Variants in RELN observed in about 807,000 individuals in gnomAD.
RELN encodes reelin.
In RELN, 108 loss-of-function variants were observed where a neutral mutation model predicts 427.6. The ratio of observed to expected loss-of-function variants is 0.25; its 90% CI spans 0.22 to 0.30. RELN has a LOEUF of 0.30. Ranked by LOEUF, RELN falls within the 10% of genes least tolerant of loss-of-function variation. The pLI is 1.00. For missense variants in RELN, 3,715 were observed against 4,302.8 expected, an observed-to-expected ratio of 0.86 and a Z score of 3.82; for synonymous variants, 1,524 against 1,513.4, an observed-to-expected ratio of 1.01 and a Z score of -0.16.
At chr7:103,581,779 T>G (rs1480788973) in intron 28 of RELN, among the ~76,000 whole-genome samples, 1 of 152,080 alleles carries the variant, frequency 6.6e-6, no homozygotes, top group Non-Finnish European at 1.5e-5. Context: ...TTTCCTCTCT[T>G]GGAATGCTGG....
intron 1 of RELN, among the ~76,000 whole-genome samples, chr7:103,963,144 T>TC (rs1554449249): frequency 9.3e-5 from 14 of 151,072 alleles, no homozygotes; most frequent in Non-Finnish European, 1.6e-4. Flanking sequence ...CTTTTTTTTT[T>TC]CTCATTGGCG....
At chr7:103,484,349 A>G (rs1586469957) in intron 61 of RELN, 1 of 180,800 alleles carries the variant, frequency 5.5e-6, no homozygotes, top group African/African-American at 2.4e-5. Context: ...AGCTACTTGT[A>G]TACCCTTGAC....
chr7:103,773,325 C>G (rs1263694475), intron 4 of RELN, among the ~76,000 whole-genome samples: 1 of 81,768 alleles, frequency 1.2e-5, no homozygotes, highest in Non-Finnish European at 2.4e-5. Context: ...CCCTCCGTCT[C>G]TCTCTCTCCC....
chr7:103,966,089 T>C (rs1369950177), intron 1 of RELN, among the ~76,000 whole-genome samples: 2 of 152,220 alleles, frequency 1.3e-5, no homozygotes, highest in Admixed American at 6.5e-5. Flanking sequence ...CAAGTTCCTA[T>C]GGCATATTTC....
At chr7:103,705,485 T>C (rs145069251) in intron 8 of RELN, among the ~76,000 whole-genome samples, 119 of 152,368 alleles carry the variant, frequency 7.8e-4, no homozygotes, top group Middle Eastern at 3.4e-3. Flanking sequence ...TATCTTATAA[T>C]TTATCACCTA....
chr7:103,854,922 G>A (rs1002099920), intron 2 of RELN, among the ~76,000 whole-genome samples: 1 of 152,172 alleles, frequency 6.6e-6, no homozygotes, highest in Non-Finnish European at 1.5e-5. Context: ...GAACACTATT[G>A]TAAGTTTCAT....
intron 3 of RELN, among the ~76,000 whole-genome samples, chr7:103,823,862 G>A (rs2116379082): frequency 6.9e-6 from 1 of 144,752 alleles, no homozygotes; most frequent in South Asian, 2.2e-4. Context: ...GCCATGTGCG[G>A]TAAAAATACC....
intron 3 of RELN, among the ~76,000 whole-genome samples, chr7:103,786,407 T>G (rs1295558243): frequency 1.3e-5 from 2 of 151,228 alleles, no homozygotes; most frequent in Non-Finnish European, 3.0e-5. Flanking sequence ...AACAAGATTT[T>G]TAAAGGCCAA....
intron 17 of RELN, 130 bp from the exon 18 acceptor site, chr7:103,636,598 G>A (rs362697): frequency 1.4e-6 from 1 of 717,864 alleles, no homozygotes; most frequent in Non-Finnish European, 2.5e-6. Flanking sequence ...ATTAGTCTTT[G>A]GAGACTACTG....
intron 31 of RELN, 65 bp downstream of exon 31, chr7:103,572,119 T>C (rs1830895380): frequency 1.1e-6 from 1 of 922,338 alleles, no homozygotes; most frequent in Non-Finnish European, 1.8e-6. Flanking sequence ...TGGCCAAACT[T>C]TGGGAGGATA....
At chr7:103,771,905 T>C (rs1202678629) in intron 4 of RELN, among the ~76,000 whole-genome samples, 1 of 152,206 alleles carries the variant, frequency 6.6e-6, no homozygotes, top group Non-Finnish European at 1.5e-5. Context: ...GCCTTTAATC[T>C]GTCAATAATC....
chr7:103,476,696 C>T (rs1828045712), intron 64 of RELN: 1 of 353,394 alleles, frequency 2.8e-6, no homozygotes, highest in South Asian at 2.5e-5. Context: ...AATAAATTGA[C>T]ATGGTTACTA....
Position 103,603,435 on chromosome 7 carries a change from T to C in RELN, c.3202A>G (p.Thr1068Ala). ...ECHPEAALPSTIMSDFENQNG... is the reference protein window; with the variant it reads ...ECHPEAALPSAIMSDFENQNG... ...TGGTTCTCAAAATCTGACATAATTG[T>C]GGACGGAAGGGCAGCTTCTGGGTGG... The change falls in exon 24 of 65, where the codon ACA (threonine) becomes GCA (alanine). Residue 1068 changes from threonine (T) to alanine (A), a missense_variant. Thr to Ala is a moderately conservative substitution (Grantham distance 58, BLOSUM62 0). This residue lies in a region of RELN where 2,208 missense variants were observed against 2,361.7 expected (regional missense o/e 0.93). Coordinates refer to ENST00000428762, the MANE Select transcript of RELN (RefSeq NM_005045.4). This position sits in a 1 kb window ranked among gnomAD's most constrained non-coding sequence, Gnocchi z 4.3. 1 of 1,613,948 alleles carries C rather than the reference T, an allele frequency of 6.2e-7. No individual in the cohort carries two copies. The highest frequency in any genetic ancestry group is 1.1e-5 in the South Asian group (1 of 91,088).
Position 103,561,546 on chromosome 7 carries a change from G to A in RELN, c.5515C>T (p.Leu1839=). The part of the protein sequence containing the change: ...NGETIKSGTS[L]IFKGEGLRML... ...CTGTATCTGACCCCTTTAAAAATTA[G>A]AGATGTTCCAGATTTGATGGTTTCA... The change falls in exon 36 of 65, where the codon CTA becomes TTA. Residue 1839 remains leucine, a synonymous_variant. Coordinates refer to ENST00000428762, the MANE Select transcript of RELN (RefSeq NM_005045.4). 6.2e-7 allele frequency: 1 copy of A among 1,613,342 alleles called. No homozygotes were observed. The highest frequency in any genetic ancestry group is 1.3e-5 in the African/African-American group (1 of 74,990).
intron 20 of RELN, 35 bp downstream of exon 20, chr7:103,629,905 G>T: frequency 7.9e-7 from 1 of 1,269,310 alleles, no homozygotes; most frequent in Non-Finnish European, 1.2e-6. Flanking sequence ...AATTCCTAGT[G>T]CAAATTGTAA....
intron 1 of RELN, among the ~76,000 whole-genome samples, chr7:103,987,074 CAAAAAAA>C (rs67498168): frequency 1.7e-5 from 2 of 119,060 alleles, no homozygotes; most frequent in African/African-American, 6.1e-5. Context: ...GAACATTTTA[CAAAAAAA>C]AAAAAAAAAA....
intron 1 of RELN, among the ~76,000 whole-genome samples, chr7:103,983,275 A>G (rs1363275433): frequency 6.6e-6 from 1 of 152,244 alleles, no homozygotes; most frequent in Non-Finnish European, 1.5e-5. Context: ...AAATAGGTAT[A>G]GTTTTAGAGA....
chr7:103,607,778 A>G (rs190674939), intron 22 of RELN, among the ~76,000 whole-genome samples: 3 of 152,294 alleles, frequency 2.0e-5, no homozygotes, highest in African/African-American at 4.8e-5. Flanking sequence ...AGTTCCTGTA[A>G]TTACATTTAC....
chr7:103,508,565 A>C (rs1322569756), intron 51 of RELN, among the ~76,000 whole-genome samples: 1 of 152,250 alleles, frequency 6.6e-6, no homozygotes, highest in Non-Finnish European at 1.5e-5. Flanking sequence ...CAAAAACTGG[A>C]AGCATTCCCT....
Sources: allele counts gnomAD v4.1 joint callset (sites outside exome capture counted in the v4.1 genomes callset), GRCh38; gene constraint gnomAD v4.1.1; regional missense constraint gnomAD v4.1.1; non-coding constraint Gnocchi (gnomAD v3.1); transcripts MANE v1.5; gene names NCBI Gene and HGNC (gene_info 2026-07-23, HGNC 2026-07-21).